FRMPD2: variants seen among roughly 807,000 people sequenced by gnomAD.
FRMPD2 encodes FERM and PDZ domain containing 2, also known as FERM and PDZ domain-containing protein 2.
In FRMPD2, 96 loss-of-function variants were observed where a neutral mutation model predicts 140.1. That is an observed-to-expected ratio of 0.69 (90% confidence interval 0.58 to 0.81). The LOEUF is 0.81. Among genes scored for constraint, FRMPD2 ranks in the 40% least tolerant of loss-of-function variants. The pLI is 0.00. For missense variants in FRMPD2, 1,240 were observed against 1,447.4 expected (o/e 0.86, Z 2.32); for synonymous variants, 449 against 547.6 (o/e 0.82, Z 2.52).
intron 3 of FRMPD2, among the ~76,000 whole-genome samples, chr10:48,248,348 A>C (rs1279530783): frequency 6.6e-6 from 1 of 152,188 alleles, no homozygotes; most frequent in Non-Finnish European, 1.5e-5. Flanking sequence ...AAAAACCTCC[A>C]CTGATGTTGC....
Position 48,157,039 on chromosome 10 carries a change from T to A in FRMPD2, c.*283A>T, listed in dbSNP as rs1314636357. 2 of 356,718 alleles carry A rather than the reference T, an allele frequency of 5.6e-6. No individual in the cohort carries two copies. The highest frequency in any genetic ancestry group is 4.4e-5 in the South Asian group (2 of 45,764). 22.1% of individuals were successfully genotyped at this position (356,718 alleles called of 1,614,324 possible). ...TGGGAGTGACTCAAGCAGGCAACCA[T>A]CAAAGCACTTTGTGCAAAGATCAGG... On this transcript the variant is annotated 3_prime_UTR_variant, in exon 29 of 29. Transcript: ENST00000374201.
chr10:48,184,672 T>C lies in FRMPD2; in HGVS notation c.2478A>G (p.Ile826Met), dbSNP rs144301899. 1.1e-5 allele frequency: 18 copies of C among 1,611,484 alleles called. No individual in the cohort carries two copies. In the African/African-American group the frequency reaches 2.3e-4, roughly 20 times the overall value. The part of the protein sequence containing the change: ...KAKTIKPGGQ[I>M]LALNHISLEG... ...CCAGACTGATGTGATTCAGGGCTAG[T>C]ATCTGCCCTCCTAGAAAAATAAAAC... The change falls in exon 20 of 29, where the codon ATA becomes ATG. Residue 826 changes from isoleucine to methionine, a missense_variant. Physicochemically the swap from Ile to Met is conservative, Grantham distance 10. This residue lies in a region of FRMPD2 where 1,161 missense variants were observed against 1,055.9 expected (regional missense o/e 1.10). Transcript: ENST00000374201.
chr10:48,242,911 TC>T lies in FRMPD2; in HGVS notation c.376-560del, dbSNP rs1265487505. 2.1e-4 allele frequency among the ~76,000 whole-genome samples: 32 copies of T among 152,216 alleles called. 2 individuals carry two copies. The highest frequency in any genetic ancestry group is 2.1e-3 in the Admixed American group (32 of 15,290). ...CATCGAGCAAAAGAAAACAGAAGCA[TC>T]TTATAAGCATTTCCCTCATGCATTT... On this transcript the variant is annotated intron_variant, in intron 4 of 28. Coordinates refer to ENST00000374201, the MANE Select transcript of FRMPD2 (RefSeq NM_001018071.4).
chr10:48,266,541 T>C (rs1248794606), intron 1 of FRMPD2, among the ~76,000 whole-genome samples: 1 of 152,198 alleles, frequency 6.6e-6, no homozygotes, highest in Non-Finnish European at 1.5e-5. Flanking sequence ...GACCAATACA[T>C]ATACATTTAA....
At chr10:48,179,993 G>A (rs1223314187) in intron 21 of FRMPD2, among the ~76,000 whole-genome samples, 1 of 152,228 alleles carries the variant, frequency 6.6e-6, no homozygotes, top group Admixed American at 6.5e-5. Flanking sequence ...AGCCTGAAGG[G>A]CGAGAGAAGG....
chr10:48,244,399 C>G (rs1840197213), intron 4 of FRMPD2, among the ~76,000 whole-genome samples: 1 of 152,182 alleles, frequency 6.6e-6, no homozygotes, highest in African/African-American at 2.4e-5. Flanking sequence ...CTATTGAGCC[C>G]AGAAGCCTTT....
intron 14 of FRMPD2, among the ~76,000 whole-genome samples, chr10:48,206,040 G>A (rs375550592): frequency 2.6e-5 from 4 of 152,054 alleles, no homozygotes; most frequent in East Asian, 1.9e-4. Flanking sequence ...ATAATAAATC[G>A]TCACTGAAGT....
At chr10:48,266,084 A>C (rs1427710498) in intron 1 of FRMPD2, among the ~76,000 whole-genome samples, 1 of 152,222 alleles carries the variant, frequency 6.6e-6, no homozygotes, top group African/African-American at 2.4e-5. Context: ...TTGGAGCAGG[A>C]GACCATTATC....
chr10:48,210,987 C>T (rs775800648), intron 13 of FRMPD2, among the ~76,000 whole-genome samples: 1 of 152,268 alleles, frequency 6.6e-6, no homozygotes, highest in Non-Finnish European at 1.5e-5. Flanking sequence ...CACTTATCCC[C>T]CAGCTGTATC....
intron 1 of FRMPD2, among the ~76,000 whole-genome samples, chr10:48,253,900 G>A (rs539622201): frequency 5.9e-5 from 9 of 152,096 alleles, no homozygotes; most frequent in East Asian, 1.9e-4. Flanking sequence ...ATAACTGATC[G>A]GGTTTGCCAA....
In FRMPD2 at chr10:48,209,202, T is replaced by C. The variant is rs190031420; in HGVS notation, c.1612-2269A>G. Among the ~76,000 whole-genome samples, 1,116 of 152,240 alleles carry C rather than the reference T, an allele frequency of 7.3e-3. 7 individuals are homozygous for C. Among genetic ancestry groups the C allele is most frequent in the Middle Eastern group, 0.02 (6 of 294 alleles). On this transcript the variant is annotated intron_variant, in intron 13 of 28. Coordinates refer to ENST00000374201, the MANE Select transcript of FRMPD2 (RefSeq NM_001018071.4). ...AGAGTGCATTTGTTATAATGCTAAG[T>C]GGAAGAAACTACAGGATACAATCAT...
At position 48,239,439 on chromosome 10, in the gene FRMPD2, G is replaced by A. The variant is rs562439695; in HGVS notation, c.788+166C>T. Among the ~76,000 whole-genome samples the A allele has an allele frequency of 2.0e-3, 302 of 152,284 alleles. 1 individual carries two copies. Among genetic ancestry groups the A allele is most frequent in the African/African-American group, 6.9e-3 (287 of 41,548 alleles). Reference sequence around the variant, plus strand: ...CCAGGCCCCTCATTATCTTGGCTTCGGATCTGCTTAAATGTGGCTTCTTCA... The same window carrying A: ...CCAGGCCCCTCATTATCTTGGCTTCAGATCTGCTTAAATGTGGCTTCTTCA... On this transcript the variant is annotated intron_variant, in intron 7 of 28. Transcript: ENST00000374201.
intron 16 of FRMPD2, among the ~76,000 whole-genome samples, chr10:48,189,467 G>A (rs1188575049): frequency 6.6e-6 from 1 of 152,212 alleles, no homozygotes; most frequent in East Asian, 1.9e-4. Flanking sequence ...TGCCACTGGC[G>A]ATGGGGTCCT....
intron 22 of FRMPD2, among the ~76,000 whole-genome samples, chr10:48,176,867 T>A (rs1389375520): frequency 1.3e-5 from 2 of 152,072 alleles, no homozygotes; most frequent in African/African-American, 4.8e-5. Context: ...GACAAATTCA[T>A]TGCAGGCTTA....
rs760949062 is a variant in FRMPD2, at chr10:48,222,427, A to C, written c.1341T>G (p.Phe447Leu). 5.0e-6 allele frequency: 8 copies of C among 1,614,140 alleles called. No homozygotes were observed. The South Asian group carries it at 8.8e-5, about 18-fold the overall frequency. Residue 447 changes from phenylalanine (F) to leucine (L), a missense_variant, in exon 12 of 29, where the codon TTT (phenylalanine) becomes TTG (leucine). By Grantham distance (22) the Phe-to-Leu change is conservative. Coordinates refer to ENST00000374201, the MANE Select transcript of FRMPD2 (RefSeq NM_001018071.4). ...GGATATCTTTCCGAAGCTGCAGGTA[A>C]AACTGGTGCCTTGTCAGGCTGTGCC... ...LLQHSLTRHQFYLQLRKDILE... is the reference protein window; with the variant it reads ...LLQHSLTRHQLYLQLRKDILE...
At position 48,211,987 on chromosome 10, in the gene FRMPD2, C is replaced by G; in HGVS notation, c.1578G>C (p.Leu526=). 6.2e-7 allele frequency: 1 copy of G among 1,613,970 alleles called. No individual in the cohort carries two copies. Among genetic ancestry groups the G allele is most frequent in the South Asian group, 1.1e-5 (1 of 91,026 alleles). The change falls in exon 13 of 29, where the codon CTG becomes CTC. Residue 526 remains leucine (L), a synonymous_variant. Coordinates refer to ENST00000374201, the MANE Select transcript of FRMPD2 (RefSeq NM_001018071.4). ...ACTTCAGCTCAGCATCCTCTCCCCA[C>G]AGTGCAGAGCTGAGCCGGTGCATCT... is the stretch of plus-strand genomic sequence containing the variant. ...VSEMHRLSSA[L]WGEDAELKFL... is the part of the protein sequence containing the mutation.
chr10:48,182,596 C>T lies in FRMPD2; in HGVS notation c.2585-1588G>A, dbSNP rs1203917707. Among the ~76,000 whole-genome samples the T allele has an allele frequency of 2.6e-5, 4 of 152,152 alleles. No homozygotes were observed. The East Asian group carries it at 7.7e-4, about 29-fold the overall frequency. The stretch of plus-strand genomic sequence containing the variant: ...GGAAACATCTTCCTCTGGCAGTGGC[C>T]CAGCTATGAGGAAACCCCACCATGA... On this transcript the variant is annotated intron_variant, in intron 20 of 28. Coordinates refer to ENST00000374201, the MANE Select transcript of FRMPD2 (RefSeq NM_001018071.4).
chr10:48,210,128 G>C (rs1180390645), intron 13 of FRMPD2, among the ~76,000 whole-genome samples: 1 of 152,104 alleles, frequency 6.6e-6, no homozygotes, highest in East Asian at 1.9e-4. Flanking sequence ...TAATCAGGGA[G>C]GGGGAGAAAA....
chr10:48,242,427 G>C, intron 4 of FRMPD2, 75 bp from the exon 5 acceptor site: 1 of 1,359,514 alleles, frequency 7.4e-7, no homozygotes, highest in Non-Finnish European at 1.0e-6. Flanking sequence ...TTGTCAGGCA[G>C]GCCTTGGAGA....
Sources: gnomAD v4.1 joint callset for allele counts (sites outside exome capture counted in the v4.1 genomes callset) on GRCh38, gnomAD v4.1.1 for gene constraint, gnomAD v4.1.1 regional missense constraint, MANE v1.5 for transcripts, NCBI Gene and HGNC (gene_info 2026-07-23, HGNC 2026-07-21) for gene names.